Variants in TMEM132D observed in about 807,000 individuals in gnomAD.
TMEM132D encodes transmembrane protein 132D, also known as mature OL transmembrane protein.
TMEM132D carries 21 observed loss-of-function variants against 62.3 expected under a neutral mutation model. The observed-to-expected ratio is 0.34, with a 90% CI of 0.24 to 0.49. The LOEUF (loss-of-function observed/expected upper bound fraction) is 0.49, where lower values mean the gene tolerates loss of function less well. TMEM132D is among the 20% of genes least tolerant of loss of function. TMEM132D has a pLI of 0.99. For synonymous variants in TMEM132D, 621 were observed against 575.6 expected, an observed-to-expected ratio of 1.08 and a Z score of -1.13; for missense variants, 1,346 against 1,402.8, an observed-to-expected ratio of 0.96 and a Z score of 0.65.
At chr12:129,437,730 C>CT (rs111440235) in intron 3 of TMEM132D, among the ~76,000 whole-genome samples, 50 of 147,554 alleles carry the variant, frequency 3.4e-4, no homozygotes, top group East Asian at 1.0e-3. Context: ...ATGCTCATTT[C>CT]TTTTTTTTTT....
At chr12:129,194,056 C>A (rs559174569) in intron 5 of TMEM132D, among the ~76,000 whole-genome samples, 5 of 152,228 alleles carry the variant, frequency 3.3e-5, no homozygotes, top group Admixed American at 2.0e-4. Flanking sequence ...TTGCAATCCT[C>A]ATGGTTTGCT....
At chr12:129,520,053 A>G (rs1566096230) in intron 3 of TMEM132D, among the ~76,000 whole-genome samples, 3 of 152,332 alleles carry the variant, frequency 2.0e-5, no homozygotes, top group South Asian at 4.1e-4. Flanking sequence ...TATCTTGTAC[A>G]GTACTGTTTT....
chr12:129,394,893 C>T (rs186571690), intron 3 of TMEM132D, among the ~76,000 whole-genome samples: 7 of 152,220 alleles, frequency 4.6e-5, no homozygotes, highest in East Asian at 1.9e-4. Flanking sequence ...GCTTCTGAAA[C>T]GGAATTGTGG....
intron 1 of TMEM132D, among the ~76,000 whole-genome samples, chr12:129,816,470 T>G (rs559324296): frequency 6.6e-6 from 1 of 152,174 alleles, no homozygotes; most frequent in Non-Finnish European, 1.5e-5. Flanking sequence ...GCAAAAGGCC[T>G]GCACAACTGC....
rs931739891 is a variant in TMEM132D, at chr12:129,072,615, T to G, written c.*1260A>C. The G allele has an allele frequency of 6.6e-6, 1 of 152,382 alleles. No homozygotes were observed. Among genetic ancestry groups the G allele is most frequent in the East Asian group, 1.9e-4 (1 of 5,196 alleles). 9.4% of individuals were successfully genotyped at this position (152,382 alleles called of 1,614,324 possible). ...ACCTCCAAGATGAAGAAGGTTTCTG[T>G]GCTGTCCGGTGTGTGTGAGGCTGGG... On this transcript the variant is annotated 3_prime_UTR_variant, in exon 9 of 9. Transcript: ENST00000422113.
chr12:129,836,563 C>T (rs1873012477), intron 1 of TMEM132D, among the ~76,000 whole-genome samples: 1 of 151,880 alleles, frequency 6.6e-6, no homozygotes. Flanking sequence ...TGTCATATTA[C>T]CCAAGTATAT....
rs386352372 is a variant in TMEM132D, at chr12:129,700,463, C to T, written c.315G>A (p.Val105=). 1 of 1,614,102 alleles carries T rather than the reference C, an allele frequency of 6.2e-7. No individual in the cohort carries two copies. The highest frequency in any genetic ancestry group is 1.1e-5 in the South Asian group (1 of 91,078). Residue 105 remains valine, a synonymous_variant, in exon 2 of 9, where the codon GTG becomes GTA. Coordinates refer to ENST00000422113, the MANE Select transcript of TMEM132D (RefSeq NM_133448.3). ...AAGGTAGCATTAAATCCTGGGGCAC[C>T]ACTTGCTCGATGGAGAAAGGCCCGT... is the stretch of plus-strand genomic sequence containing the variant. The part of the protein sequence containing the change: ...ASYGPFSIEQ[V]VPQDLMLPSN...
chr12:129,389,412 A>T (rs1453712862), intron 3 of TMEM132D, among the ~76,000 whole-genome samples: 2 of 152,124 alleles, frequency 1.3e-5, no homozygotes, highest in Non-Finnish European at 2.9e-5. Flanking sequence ...CACCCACATC[A>T]ATACTAACAA....
At chr12:129,238,212 A>G (rs972340207) in intron 4 of TMEM132D, among the ~76,000 whole-genome samples, 1 of 152,098 alleles carries the variant, frequency 6.6e-6, no homozygotes, top group Non-Finnish European at 1.5e-5. Context: ...ACTTGTTGAC[A>G]TTTTTATTCA....
intron 1 of TMEM132D, among the ~76,000 whole-genome samples, chr12:129,845,658 T>C (rs1873336667): frequency 6.6e-6 from 1 of 152,194 alleles, no homozygotes; most frequent in Non-Finnish European, 1.5e-5. Flanking sequence ...GCAAAATCAC[T>C]ATTATAAACA....
chr12:129,735,620 C>G (rs1281489840), intron 1 of TMEM132D, among the ~76,000 whole-genome samples: 1 of 152,004 alleles, frequency 6.6e-6, no homozygotes, highest in South Asian at 2.1e-4. Context: ...CTAAATAAAA[C>G]TCTTTAAAAA....
intron 5 of TMEM132D, among the ~76,000 whole-genome samples, chr12:129,097,618 G>A (rs937782679): frequency 5.9e-5 from 9 of 152,122 alleles, no homozygotes; most frequent in Non-Finnish European, 1.2e-4. Flanking sequence ...ACTACAGAAA[G>A]GTAAATATAT....
intron 5 of TMEM132D, among the ~76,000 whole-genome samples, chr12:129,121,690 T>C (rs1401942839): frequency 1.3e-5 from 2 of 151,828 alleles, no homozygotes; most frequent in East Asian, 1.9e-4. Context: ...AGGAAACCAA[T>C]ACAGTACTAC....
At chr12:129,386,218 CATGGA>C (rs1390169892) in intron 3 of TMEM132D, among the ~76,000 whole-genome samples, 6 of 152,158 alleles carry the variant, frequency 3.9e-5, no homozygotes, top group Non-Finnish European at 8.8e-5. Flanking sequence ...ACTAAAGTAC[CATGGA>C]ATAAGAACAA....
intron 2 of TMEM132D, among the ~76,000 whole-genome samples, chr12:129,687,449 G>A (rs1880959756): frequency 6.6e-6 from 1 of 151,948 alleles, no homozygotes; most frequent in Admixed American, 6.6e-5. Flanking sequence ...ATCTGAGGAG[G>A]GGTAGTAGTT....
At chr12:129,440,612 T>C (rs1872911774) in intron 3 of TMEM132D, among the ~76,000 whole-genome samples, 3 of 152,200 alleles carry the variant, frequency 2.0e-5, no homozygotes, top group Non-Finnish European at 4.4e-5. Context: ...AGGTGACTTG[T>C]GGATGGGAAA....
chr12:129,584,823 C>T (rs1007384202), intron 2 of TMEM132D, among the ~76,000 whole-genome samples: 3 of 152,056 alleles, frequency 2.0e-5, no homozygotes, highest in African/African-American at 4.8e-5. Context: ...ATGAAATTAC[C>T]GATGGAAAGA....
intron 3 of TMEM132D, among the ~76,000 whole-genome samples, chr12:129,403,214 T>C (rs1338323233): frequency 6.7e-6 from 1 of 150,104 alleles, no homozygotes; most frequent in Non-Finnish European, 1.5e-5. Flanking sequence ...TCTCCATTGA[T>C]ATCAAAGACT....
chr12:129,124,821 C>G (rs1237336747), intron 5 of TMEM132D, among the ~76,000 whole-genome samples: 2 of 152,140 alleles, frequency 1.3e-5, no homozygotes, highest in Non-Finnish European at 2.9e-5. Flanking sequence ...TTTTTGGAAA[C>G]TGCTTGGTCT....
Sources: gnomAD v4.1 joint callset for allele counts (sites outside exome capture counted in the v4.1 genomes callset) on GRCh38, gnomAD v4.1.1 for gene constraint, MANE v1.5 for transcripts, NCBI Gene and HGNC (gene_info 2026-07-23, HGNC 2026-07-21) for gene names.